Variants in SV2C observed in about 807,000 individuals in gnomAD.
SV2C encodes synaptic vesicle glycoprotein 2C.
Under a neutral mutation model 79.7 loss-of-function variants are expected in SV2C, and 49 were observed. The observed-to-expected ratio is 0.61, with a 90% CI of 0.49 to 0.78. The LOEUF (loss-of-function observed/expected upper bound fraction) is 0.78. Among genes scored for constraint, SV2C ranks in the 30% least tolerant of loss-of-function variants. The probability of loss-of-function intolerance (pLI) is 0.00; values close to 1 mark genes in which losing one functional copy is unlikely to be tolerated. For synonymous variants in SV2C, 334 were observed against 333.2 expected (o/e 1.00, Z -0.03); for missense variants, 833 against 912.9 (o/e 0.91, Z 1.13).
the SV2C span, among the ~76,000 whole-genome samples, chr5:75,873,721 A>G: frequency 1.3e-5 from 2 of 152,160 alleles, no homozygotes; most frequent in Non-Finnish European, 2.9e-5. Flanking sequence ...GAAATGATGA[A>G]GTAAATGTTA....
chr5:76,191,557 G>A (rs1744103693), intron 2 of SV2C, among the ~76,000 whole-genome samples: 4 of 152,162 alleles, frequency 2.6e-5, no homozygotes, highest in Admixed American at 2.6e-4. Context: ...TGGTGTTGGG[G>A]GAAAAGACAT....
chr5:76,295,269 G>C (rs1747708861), intron 8 of SV2C, among the ~76,000 whole-genome samples: 1 of 152,142 alleles, frequency 6.6e-6, no homozygotes, highest in African/African-American at 2.4e-5. Context: ...CCTCCAGAGG[G>C]GACAAATACT....
chr5:76,225,028 G>A (rs1190502124), intron 4 of SV2C, among the ~76,000 whole-genome samples: 1 of 152,152 alleles, frequency 6.6e-6, no homozygotes, highest in Non-Finnish European at 1.5e-5. Flanking sequence ...CACTGGGTAT[G>A]GCATCTTAGC....
chr5:76,228,076 C>T (rs1251523641), intron 4 of SV2C, among the ~76,000 whole-genome samples: 1 of 152,140 alleles, frequency 6.6e-6, no homozygotes, highest in Non-Finnish European at 1.5e-5. Flanking sequence ...CTCTTTCTCT[C>T]TCTTTTTTTC....
chr5:76,123,723 C>G (rs368096041), intron 1 of SV2C, among the ~76,000 whole-genome samples: 1 of 152,162 alleles, frequency 6.6e-6, no homozygotes, highest in East Asian at 1.9e-4. Context: ...TTTGACATCA[C>G]AGATTTCTTG....
the SV2C span, among the ~76,000 whole-genome samples, chr5:75,934,521 C>T: frequency 1.3e-5 from 2 of 151,890 alleles, no homozygotes; most frequent in African/African-American, 2.4e-5. Context: ...CTTCTGACCT[C>T]GTGATCCACC....
At chr5:75,997,831 C>G in the SV2C span, among the ~76,000 whole-genome samples, 28,701 of 152,028 alleles carry the variant, frequency 0.19, 3,398 homozygotes, top group East Asian at 0.61. Flanking sequence ...CCCAGCCATC[C>G]CATTACGGGG....
At chr5:76,145,262 T>A (rs1304473839) in intron 2 of SV2C, among the ~76,000 whole-genome samples, 1 of 152,222 alleles carries the variant, frequency 6.6e-6, no homozygotes, top group Non-Finnish European at 1.5e-5. Context: ...CTCTACTTAG[T>A]ATGGGATGTC....
At chr5:76,207,578 G>A (rs1429524268) in intron 3 of SV2C, among the ~76,000 whole-genome samples, 1 of 152,074 alleles carries the variant, frequency 6.6e-6, no homozygotes, top group Non-Finnish European at 1.5e-5. Context: ...TTTGTTTTTT[G>A]TCATGGTTAA....
chr5:76,244,431 T>C (rs142162706), intron 4 of SV2C, among the ~76,000 whole-genome samples: 165 of 152,362 alleles, frequency 1.1e-3, no homozygotes, highest in African/African-American at 3.9e-3. Flanking sequence ...GCCACAAATG[T>C]AATTTAAAAT....
chr5:76,180,982 G>A (rs974567004), intron 2 of SV2C, among the ~76,000 whole-genome samples: 6 of 152,098 alleles, frequency 3.9e-5, no homozygotes, highest in African/African-American at 1.4e-4. Flanking sequence ...TACTCTTGCA[G>A]GGAAATCACA....
chr5:75,985,769 T>C, the SV2C span, among the ~76,000 whole-genome samples: 1 of 151,974 alleles, frequency 6.6e-6, no homozygotes, highest in Admixed American at 6.6e-5. Context: ...TACTAAGATT[T>C]GCTTAGTAGG....
chr5:76,150,168 T>A (rs1401606670), intron 2 of SV2C, among the ~76,000 whole-genome samples: 1 of 151,976 alleles, frequency 6.6e-6, no homozygotes, highest in Non-Finnish European at 1.5e-5. Flanking sequence ...GTGGTCAGCT[T>A]CTCAGTCCCT....
the SV2C span, among the ~76,000 whole-genome samples, chr5:75,935,765 A>C: frequency 1.3e-5 from 2 of 152,202 alleles, no homozygotes; most frequent in Non-Finnish European, 2.9e-5. Flanking sequence ...GATTGTTATT[A>C]GTGTTTACCT....
intron 1 of SV2C, among the ~76,000 whole-genome samples, chr5:76,121,220 T>C (rs1561224486): frequency 6.6e-6 from 1 of 152,146 alleles, no homozygotes; most frequent in South Asian, 2.1e-4. Context: ...GGGTTGTTTG[T>C]TTTTTTCTTG....
At chr5:76,183,435 C>T (rs1434736353) in intron 2 of SV2C, among the ~76,000 whole-genome samples, 1 of 152,000 alleles carries the variant, frequency 6.6e-6, no homozygotes, top group African/African-American at 2.4e-5. Context: ...CTCTCAAACC[C>T]ATCCAAATCT....
chr5:75,960,650 C>T, the SV2C span, among the ~76,000 whole-genome samples: 4 of 151,870 alleles, frequency 2.6e-5, no homozygotes, highest in East Asian at 1.9e-4. Context: ...CAAGCTATAG[C>T]GTCTAGGTTT....
chr5:75,972,197 A>T, the SV2C span, among the ~76,000 whole-genome samples: 1 of 152,176 alleles, frequency 6.6e-6, no homozygotes, highest in African/African-American at 2.4e-5. Context: ...AAAGATTTAT[A>T]TGTTAGACCT....
At chr5:76,082,355 T>G (rs1055405539), upstream of SV2C, 1 of 152,220 alleles carries the variant, frequency 6.6e-6, no homozygotes, top group Non-Finnish European at 1.5e-5. Flanking sequence ...TCCAGCCGCC[T>G]GGCCCACCGC....
Sources: allele counts gnomAD v4.1 joint callset (sites outside exome capture counted in the v4.1 genomes callset), GRCh38; gene constraint gnomAD v4.1.1; transcripts MANE v1.5; gene names NCBI Gene and HGNC (gene_info 2026-07-23, HGNC 2026-07-21).